The following DENND1A variants were observed in gnomAD, a reference collection of about 807,000 sequenced individuals.
DENND1A encodes the protein DENN domain containing 1A, also known as DENN domain-containing protein 1A.
A neutral mutation model predicts 113.7 loss-of-function variants in DENND1A; 51 were observed. That is an observed-to-expected ratio of 0.45 (90% CI 0.36 to 0.57). The LOEUF (loss-of-function observed/expected upper bound fraction) is 0.57, where lower values mean the gene tolerates loss of function less well. Ranked by LOEUF, DENND1A falls within the 20% of genes least tolerant of loss-of-function variation. The pLI is 0.00. For missense variants in DENND1A, 1,258 were observed against 1,395.9 expected, an observed-to-expected ratio of 0.90 and a Z score of 1.57; for synonymous variants, 565 against 570.8, an observed-to-expected ratio of 0.99 and a Z score of 0.14.
chr9:123,473,561 C>T (rs990477491), intron 13 of DENND1A, among the ~76,000 whole-genome samples: 7 of 152,212 alleles, frequency 4.6e-5, no homozygotes, highest in African/African-American at 1.4e-4. Context: ...CCGCTCCTCT[C>T]CAGACCTGTG....
chr9:123,647,768 T>C (rs2062417048), intron 9 of DENND1A, among the ~76,000 whole-genome samples: 1 of 152,204 alleles, frequency 6.6e-6, no homozygotes, highest in African/African-American at 2.4e-5. Flanking sequence ...GATATTCTAC[T>C]GTGTGACTAC....
chr9:123,512,107 G>A (rs1416317321), intron 13 of DENND1A, among the ~76,000 whole-genome samples: 2 of 152,188 alleles, frequency 1.3e-5, no homozygotes, highest in Non-Finnish European at 1.5e-5. Context: ...GCAAACAGGT[G>A]ATCAAAGGCA....
intron 12 of DENND1A, 80 bp from the exon 13 acceptor site, chr9:123,557,775 C>A: frequency 6.6e-7 from 1 of 1,515,406 alleles, no homozygotes; most frequent in East Asian, 2.3e-5. Flanking sequence ...ACATATGGAG[C>A]CCTGGAAGAT....
intron 5 of DENND1A, among the ~76,000 whole-genome samples, chr9:123,708,166 G>T (rs767972961): frequency 2.0e-5 from 3 of 152,070 alleles, no homozygotes; most frequent in Non-Finnish European, 2.9e-5. Flanking sequence ...AGAAAAAATT[G>T]GGAACAACCC....
At chr9:123,702,626 CATT>C (rs2065947891) in intron 5 of DENND1A, among the ~76,000 whole-genome samples, 1 of 152,140 alleles carries the variant, frequency 6.6e-6, no homozygotes, top group Admixed American at 6.5e-5. Flanking sequence ...TGAGAATAAA[CATT>C]ATAAGCCAGG....
chr9:123,642,314 T>G (rs2062073032), intron 9 of DENND1A, among the ~76,000 whole-genome samples: 1 of 152,256 alleles, frequency 6.6e-6, no homozygotes, highest in Non-Finnish European at 1.5e-5. Context: ...TGGAAGTTCC[T>G]TTATTTTTTA....
At chr9:123,630,621 A>G (rs2061435728) in intron 9 of DENND1A, 145 bp from the exon 10 acceptor site, 1 of 482,794 alleles carries the variant, frequency 2.1e-6, no homozygotes, top group Non-Finnish European at 3.4e-6. Flanking sequence ...AGTTAACTCA[A>G]TCACCCTAAT....
intron 13 of DENND1A, among the ~76,000 whole-genome samples, chr9:123,490,449 C>T (rs532589525): frequency 3.3e-5 from 5 of 151,982 alleles, no homozygotes; most frequent in Admixed American, 1.3e-4. Context: ...ATTAGCCAGG[C>T]GTGGTGGGGG....
intron 18 of DENND1A, 32 bp downstream of exon 18, chr9:123,450,661 G>T (rs1221688040): frequency 1.9e-5 from 30 of 1,589,582 alleles, no homozygotes; most frequent in Non-Finnish European, 2.6e-5. Flanking sequence ...CATACATGGT[G>T]CTTATACATT....
intron 13 of DENND1A, among the ~76,000 whole-genome samples, chr9:123,513,227 C>G (rs1416161567): frequency 6.6e-6 from 1 of 152,236 alleles, no homozygotes; most frequent in Non-Finnish European, 1.5e-5. Flanking sequence ...ACCCCACACC[C>G]ACACGAGAAT....
intron 2 of DENND1A, among the ~76,000 whole-genome samples, chr9:123,845,634 T>C (rs2133052495): frequency 7.7e-6 from 1 of 130,086 alleles, no homozygotes; most frequent in South Asian, 2.3e-4. Flanking sequence ...CATGCCACTG[T>C]ATTCCAGCCT....
At position 123,445,045 on chromosome 9, in the gene DENND1A, A is replaced by G. The variant is rs564944536; in HGVS notation, c.1357-4554T>C. Among the ~76,000 whole-genome samples the G allele has an allele frequency of 5.9e-5, 9 of 152,244 alleles. No individual in the cohort carries two copies. In the East Asian group the frequency reaches 1.7e-3, roughly 29 times the overall value. ...GGTAAAGCAAGGCAGTCAGAAAGTCATTGTATTCCTATTATTTTCCTTGAG... is the reference window on the plus strand; with the variant it reads ...GGTAAAGCAAGGCAGTCAGAAAGTCGTTGTATTCCTATTATTTTCCTTGAG... On this transcript the variant is annotated intron_variant, in intron 18 of 23. Transcript: ENST00000394215.
chr9:123,714,425 A>C (rs1198687798), intron 5 of DENND1A, among the ~76,000 whole-genome samples: 10 of 152,090 alleles, frequency 6.6e-5, no homozygotes, highest in African/African-American at 2.2e-4. Flanking sequence ...AACATGGTGA[A>C]ACCCCATCTC....
At chr9:123,582,509 C>T (rs2058955055) in intron 12 of DENND1A, among the ~76,000 whole-genome samples, 1 of 151,466 alleles carries the variant, frequency 6.6e-6, no homozygotes, top group African/African-American at 2.4e-5. Context: ...AAGCAATTCT[C>T]CTGCCTCAGC....
intron 3 of DENND1A, among the ~76,000 whole-genome samples, chr9:123,771,704 T>C (rs1829760858): frequency 6.6e-6 from 1 of 151,764 alleles, no homozygotes; most frequent in South Asian, 2.1e-4. Context: ...TATAGAAACT[T>C]CTTACCACTC....
At chr9:123,386,527 G>A (rs2042572832) in intron 22 of DENND1A, among the ~76,000 whole-genome samples, 1 of 152,060 alleles carries the variant, frequency 6.6e-6, no homozygotes, top group Non-Finnish European at 1.5e-5. Context: ...GATTACAGGT[G>A]TGAGCCACCA....
intron 13 of DENND1A, among the ~76,000 whole-genome samples, chr9:123,467,479 C>G (rs759650667): frequency 4.6e-5 from 7 of 152,080 alleles, no homozygotes; most frequent in Non-Finnish European, 7.4e-5. Context: ...CATGGTGAAG[C>G]CCCATCTCTA....
At chr9:123,638,864 T>G (rs74316720) in intron 9 of DENND1A, among the ~76,000 whole-genome samples, 2,460 of 151,870 alleles carry the variant, frequency 0.016, 58 homozygotes, top group African/African-American at 0.055. Flanking sequence ...TTTGACAATA[T>G]AAATCATAAT....
intron 3 of DENND1A, among the ~76,000 whole-genome samples, chr9:123,790,801 T>A (rs551484607): frequency 6.6e-6 from 1 of 152,170 alleles, no homozygotes; most frequent in African/African-American, 2.4e-5. Flanking sequence ...TGTATGCATA[T>A]ACGTACACAT....
Sources: gnomAD v4.1 joint callset for allele counts (sites outside exome capture counted in the v4.1 genomes callset) on GRCh38, gnomAD v4.1.1 for gene constraint, MANE v1.5 for transcripts, NCBI Gene and HGNC (gene_info 2026-07-23, HGNC 2026-07-21) for gene names.